Variants in DLG1 observed in about 807,000 individuals in gnomAD.
DLG1 encodes disks large homolog 1.
In DLG1, 42 loss-of-function variants were observed where a neutral mutation model predicts 123.4. The ratio of observed to expected loss-of-function variants is 0.34; its 90% CI spans 0.27 to 0.44. The LOEUF is 0.44. DLG1 is among the 20% of genes least tolerant of loss of function. The probability of loss-of-function intolerance (pLI) is 1.00; values close to 1 mark genes in which losing one functional copy is unlikely to be tolerated. For missense variants in DLG1, 942 were observed against 1,082.6 expected, an observed-to-expected ratio of 0.87 and a Z score of 1.82; for synonymous variants, 317 against 356.2, an observed-to-expected ratio of 0.89 and a Z score of 1.24.
In DLG1 at chr3:197,119,466, A is replaced by T. The variant is rs1384997403; in HGVS notation, c.1230T>A (p.Ser410=). The change falls in exon 12 of 25, where the codon TCT becomes TCA. Residue 410 remains serine, a synonymous_variant. Transcript: ENST00000667157. ...TAGAAACTGGGGAGTATCTGGCTGG[A>T]GATGCTGGTGTCTGGCCCAAGAAGG... ...PSSFLGQTPA[S]PARYSPVSKA... 1 of 1,611,734 alleles carries T rather than the reference A, an allele frequency of 6.2e-7. No homozygotes were observed. The highest frequency in any genetic ancestry group is 1.3e-5 in the African/African-American group (1 of 74,846).
chr3:197,288,741 AAAATACATAC>A (rs1773250278), intron 3 of DLG1, among the ~76,000 whole-genome samples: 2 of 63,434 alleles, frequency 3.2e-5, no homozygotes, highest in Admixed American at 3.2e-4. Flanking sequence ...AAAAAAAAAA[AAAATACATAC>A]ATACATACAT....
At chr3:197,216,969 A>C (rs187840893) in intron 4 of DLG1, among the ~76,000 whole-genome samples, 1 of 152,244 alleles carries the variant, frequency 6.6e-6, no homozygotes, top group Non-Finnish European at 1.5e-5. Flanking sequence ...TTAATTGTAG[A>C]AGTAACATCG....
intron 11 of DLG1, among the ~76,000 whole-genome samples, chr3:197,127,843 T>C (rs1457019223): frequency 1.3e-5 from 2 of 152,080 alleles, no homozygotes; most frequent in Admixed American, 6.5e-5. Context: ...ATGTTTACAC[T>C]ATATTAAGTA....
At chr3:197,225,427 A>G (rs184006233) in intron 4 of DLG1, among the ~76,000 whole-genome samples, 1 of 152,148 alleles carries the variant, frequency 6.6e-6, no homozygotes, top group Non-Finnish European at 1.5e-5. Flanking sequence ...TCTTTCCTCT[A>G]TACAATCTAA....
At position 197,207,699 on chromosome 3, in the gene DLG1, G is replaced by A. The variant is rs567860432; in HGVS notation, c.319-13110C>T. 2.7e-5 allele frequency among the ~76,000 whole-genome samples: 4 copies of A among 147,786 alleles called. 1 individual carries two copies. Among genetic ancestry groups the A allele is most frequent in the Admixed American group, 1.3e-4 (2 of 14,822 alleles). ...GATTAGTGAAACAAAGATGAAAATC[G>A]GCATATAAATAGAAATTTGGTACTA... On this transcript the variant is annotated intron_variant, in intron 4 of 24. Transcript: ENST00000667157.
intron 4 of DLG1, among the ~76,000 whole-genome samples, chr3:197,250,180 A>G (rs1350363977): frequency 2.0e-5 from 3 of 152,224 alleles, no homozygotes; most frequent in Non-Finnish European, 4.4e-5. Flanking sequence ...AAAAAACTGT[A>G]AGAACTGATA....
chr3:197,064,780 T>G (rs1170230295), intron 22 of DLG1, among the ~76,000 whole-genome samples: 2 of 152,156 alleles, frequency 1.3e-5, no homozygotes, highest in Non-Finnish European at 2.9e-5. Flanking sequence ...TTAAAAATTT[T>G]AAGTGGTTAG....
At chr3:197,220,562 T>C (rs57010273) in intron 4 of DLG1, among the ~76,000 whole-genome samples, 216 of 152,300 alleles carry the variant, frequency 1.4e-3, no homozygotes, top group African/African-American at 5.1e-3. Flanking sequence ...GCCACTGCTA[T>C]CAGCAAATGC....
chr3:197,107,198 T>G (rs1766969725), intron 13 of DLG1, among the ~76,000 whole-genome samples: 1 of 152,194 alleles, frequency 6.6e-6, no homozygotes, highest in Admixed American at 6.5e-5. Context: ...GTATCAGTAC[T>G]TCATTCCTTA....
At chr3:197,097,123 A>G (rs550310886) in intron 14 of DLG1, among the ~76,000 whole-genome samples, 1 of 152,150 alleles carries the variant, frequency 6.6e-6, no homozygotes, top group African/African-American at 2.4e-5. Context: ...TATCCTACTC[A>G]ATTTGGATTT....
At chr3:197,166,746 C>G (rs1801634464) in intron 5 of DLG1, among the ~76,000 whole-genome samples, 1 of 152,054 alleles carries the variant, frequency 6.6e-6, no homozygotes, top group Non-Finnish European at 1.5e-5. Flanking sequence ...AAAAAATTAG[C>G]TGGACATGGT....
chr3:197,159,016 A>G (rs1037454028), intron 5 of DLG1, among the ~76,000 whole-genome samples: 6 of 152,164 alleles, frequency 3.9e-5, no homozygotes, highest in Non-Finnish European at 7.4e-5. Flanking sequence ...TTACACTCCC[A>G]GTAAGAAGAA....
chr3:197,084,561 C>T (rs1215164637), intron 16 of DLG1, among the ~76,000 whole-genome samples: 7 of 151,944 alleles, frequency 4.6e-5, no homozygotes, highest in Non-Finnish European at 1.0e-4. Flanking sequence ...CCGCCCACCT[C>T]GGCCTCCTAA....
At chr3:197,064,805 CT>C (rs916263674) in intron 22 of DLG1, among the ~76,000 whole-genome samples, 1 of 150,660 alleles carries the variant, frequency 6.6e-6, no homozygotes, top group Non-Finnish European at 1.5e-5. Context: ...ATTGATCTTT[CT>C]TTTTTTTTCT....
intron 8 of DLG1, among the ~76,000 whole-genome samples, chr3:197,138,729 T>C (rs1256806799): frequency 1.3e-5 from 2 of 152,206 alleles, no homozygotes; most frequent in Admixed American, 1.3e-4. Flanking sequence ...CAAACATTTA[T>C]TTAGCACTAA....
At chr3:197,154,372 CT>C (rs1056322856) in intron 5 of DLG1, among the ~76,000 whole-genome samples, 4 of 151,618 alleles carry the variant, frequency 2.6e-5, no homozygotes, top group African/African-American at 4.8e-5. Context: ...TAGACAAAGA[CT>C]TTATTAAAGA....
intron 13 of DLG1, among the ~76,000 whole-genome samples, chr3:197,106,338 G>A (rs902141419): frequency 3.9e-5 from 6 of 152,196 alleles, no homozygotes; most frequent in South Asian, 2.1e-4. Flanking sequence ...CCTGGGAGGC[G>A]GAAGTTACAG....
At chr3:197,176,868 C>G (rs1045274335) in intron 5 of DLG1, among the ~76,000 whole-genome samples, 1 of 152,060 alleles carries the variant, frequency 6.6e-6, no homozygotes, top group African/African-American at 2.4e-5. Context: ...TTTAAAAAAG[C>G]TTATATAACC....
At chr3:197,135,647 A>C (rs1259689557) in intron 10 of DLG1, among the ~76,000 whole-genome samples, 2 of 152,186 alleles carry the variant, frequency 1.3e-5, no homozygotes, top group African/African-American at 4.8e-5. Flanking sequence ...GTAGAGATAA[A>C]ATGAATGAAC....
Sources: gnomAD v4.1 joint callset for allele counts (sites outside exome capture counted in the v4.1 genomes callset) on GRCh38, gnomAD v4.1.1 for gene constraint, MANE v1.5 for transcripts, NCBI Gene and HGNC (gene_info 2026-07-23, HGNC 2026-07-21) for gene names.